MGA: variants seen among roughly 807,000 people sequenced by gnomAD.
MGA encodes MAX gene-associated protein.
In MGA, 40 loss-of-function variants were observed where a neutral mutation model predicts 261.1. The ratio of observed to expected loss-of-function variants is 0.15; its 90% CI spans 0.12 to 0.20. MGA has a LOEUF of 0.20. Among genes scored for constraint, MGA ranks in the 10% least tolerant of loss-of-function variants. The probability of loss-of-function intolerance (pLI) is 1.00; values close to 1 mark genes in which losing one functional copy is unlikely to be tolerated. For synonymous variants in MGA, 1,302 were observed against 1,290.6 expected (o/e 1.01, Z -0.19); for missense variants, 3,397 against 3,630.5 (o/e 0.94, Z 1.65).
chr15:41,651,886 T>C (rs1395299825), intron 1 of MGA, among the ~76,000 whole-genome samples: 4 of 88,420 alleles, frequency 4.5e-5, no homozygotes, highest in Non-Finnish European at 8.8e-5. Context: ...TCTCCGCTCC[T>C]GTCTCCCTCT....
At chr15:41,705,482 C>T (rs1196804202) in intron 5 of MGA, among the ~76,000 whole-genome samples, 2 of 152,082 alleles carry the variant, frequency 1.3e-5, no homozygotes, top group Non-Finnish European at 2.9e-5. Flanking sequence ...CCACCTCAGT[C>T]TTCTGAGTAG....
At chr15:41,696,035 T>C (rs1169679904) in intron 2 of MGA, 40 bp from the exon 3 acceptor site, 1 of 1,410,042 alleles carries the variant, frequency 7.1e-7, no homozygotes, top group Non-Finnish European at 9.7e-7. Flanking sequence ...TAATGGATCA[T>C]TTTGTACTTT....
chr15:41,713,059 CAGAG>C (rs1209906449), intron 8 of MGA, 88 bp from the exon 9 acceptor site: 1 of 1,504,482 alleles, frequency 6.6e-7, no homozygotes, highest in East Asian at 2.3e-5. Flanking sequence ...TACTTAAAAT[CAGAG>C]AGTAATGCAG....
At position 41,708,110 on chromosome 15, in the gene MGA, G is replaced by C; in HGVS notation, c.2327G>C (p.Gly776Ala). 6.3e-7 allele frequency: 1 copy of C among 1,579,114 alleles called. No homozygotes were observed. The highest frequency in any genetic ancestry group is 8.6e-7 in the Non-Finnish European group (1 of 1,162,708). The change falls in exon 7 of 24, where the codon GGA (glycine) becomes GCA (alanine). Residue 776 changes from glycine to alanine, a missense_variant. This residue lies in a region of MGA where 519 missense variants were observed against 554.1 expected (regional missense o/e 0.94). Coordinates refer to ENST00000219905, the MANE Select transcript of MGA (RefSeq NM_001164273.2). ...TTGACTTTTTCTTTTATAGATGCGGGATTTCCCTTTGTTTCTAGGACAGGG... is the reference window on the plus strand; with the variant it reads ...TTGACTTTTTCTTTTATAGATGCGGCATTTCCCTTTGTTTCTAGGACAGGG...
intron 1 of MGA, among the ~76,000 whole-genome samples, chr15:41,623,241 A>G (rs577098693): frequency 2.0e-5 from 3 of 152,344 alleles, no homozygotes; most frequent in Admixed American, 2.0e-4. Flanking sequence ...GAATGAGGAA[A>G]GGACTTGTAC....
intron 12 of MGA, among the ~76,000 whole-genome samples, chr15:41,735,871 G>T (rs1161740266): frequency 6.6e-6 from 1 of 152,178 alleles, no homozygotes; most frequent in Non-Finnish European, 1.5e-5. Context: ...TACCAGTGAA[G>T]CTTAACCTTG....
rs767830458 is a variant in MGA at position 41,749,696 on chromosome 15, A to G, written c.6089A>G (p.Asp2030Gly). 3.7e-6 allele frequency: 6 copies of G among 1,614,034 alleles called. No homozygotes were observed. The highest frequency in any genetic ancestry group is 5.1e-6 in the Non-Finnish European group (6 of 1,179,898). Residue 2030 changes from aspartate (D) to glycine (G), a missense_variant, in exon 17 of 24, where the codon GAT becomes GGT. Physicochemically the swap from Asp to Gly is moderately conservative, Grantham distance 94. Transcript: ENST00000219905. ...AATGATTCCTTGGAAGATAGGGGTG[A>G]TCATTTGGATGAAGAATGCCTTCCA... is the stretch of plus-strand genomic sequence containing the variant.
chr15:41,762,444 A>C (rs999090893), intron 22 of MGA, 82 bp downstream of exon 22: 2 of 458,064 alleles, frequency 4.4e-6, no homozygotes, highest in Admixed American at 4.9e-5. Flanking sequence ...TCTTGTCCAC[A>C]TTTTTAGTTT....
intron 1 of MGA, among the ~76,000 whole-genome samples, chr15:41,663,528 A>T (rs1284195076): frequency 6.6e-6 from 1 of 151,908 alleles, no homozygotes; most frequent in Non-Finnish European, 1.5e-5. Flanking sequence ...CGAGTCTCAC[A>T]CTATCTCCAA....
chr15:41,631,824 G>C (rs768148580), intron 1 of MGA, among the ~76,000 whole-genome samples: 1 of 152,008 alleles, frequency 6.6e-6, no homozygotes, highest in African/African-American at 2.4e-5. Flanking sequence ...AAATACATAA[G>C]CACAAATAAT....
At chr15:41,752,233 C>T (rs1595980111) in intron 17 of MGA, 1 of 152,044 alleles carries the variant, frequency 6.6e-6, no homozygotes, top group Admixed American at 6.6e-5. Context: ...GTTTCACCAT[C>T]TTGGCCAGGC....
At chr15:41,763,244 C>T (rs2063594157) in intron 22 of MGA, among the ~76,000 whole-genome samples, 1 of 151,000 alleles carries the variant, frequency 6.6e-6, no homozygotes, top group Non-Finnish European at 1.5e-5. Context: ...GGACTATAGG[C>T]GCCTGCCACT....
In MGA at chr15:41,709,454, C is replaced by T. The variant is rs181337989; in HGVS notation, c.2426-1237C>T. On this transcript the variant is annotated intron_variant, in intron 7 of 23. Transcript: ENST00000219905. ...TCCAGGCATTCCAGTCTTTCTCCCT[C>T]GCTTTTTAAAGACGGGGTCTTGCTC... Among the ~76,000 whole-genome samples, 1,394 of 152,158 alleles carry T rather than the reference C, an allele frequency of 9.2e-3. 16 individuals carry two copies. Among genetic ancestry groups the T allele is most frequent in the Non-Finnish European group, 0.012 (838 of 67,990 alleles).
chr15:41,707,901 G>A lies in MGA; in HGVS notation c.2320+42G>A, dbSNP rs369564900. ...TGTAAAGTCAAACACTATTTTTCTT[G>A]AAGTTTACGTTATTTGTAACGTAAG... On this transcript the variant is annotated intron_variant, in intron 6 of 23. Coordinates refer to ENST00000219905, the MANE Select transcript of MGA (RefSeq NM_001164273.2). 42 of 1,588,258 alleles carry A rather than the reference G, an allele frequency of 2.6e-5. No individual in the cohort carries two copies. In the South Asian group the frequency reaches 4.9e-4, roughly 18 times the overall value.
intron 1 of MGA, among the ~76,000 whole-genome samples, chr15:41,655,232 G>A (rs1406216479): frequency 1.4e-5 from 2 of 147,800 alleles, no homozygotes; most frequent in Admixed American, 6.8e-5. Context: ...AGGCTGGAGT[G>A]CAGTGGCAGG....
intron 1 of MGA, among the ~76,000 whole-genome samples, chr15:41,644,807 A>G (rs2056902981): frequency 6.6e-6 from 1 of 152,230 alleles, no homozygotes; most frequent in South Asian, 2.1e-4. Context: ...TAGAAAAGTT[A>G]ACTGATGTCC....
In MGA at chr15:41,742,877, G is replaced by A; in HGVS notation, c.4917G>A (p.Glu1639=). The change falls in exon 15 of 24, where the codon GAG becomes GAA. Residue 1639 remains glutamate, a synonymous_variant. Transcript: ENST00000219905. Reference sequence around the variant, plus strand: ...GTGCCACCACTACAGGGGTTGTTGAGGTCTCTGAAACTAATACCAGCACCT... The same window carrying A: ...GTGCCACCACTACAGGGGTTGTTGAAGTCTCTGAAACTAATACCAGCACCT... 1 of 1,613,974 alleles carries A rather than the reference G, an allele frequency of 6.2e-7. No individual in the cohort carries two copies. Among genetic ancestry groups the A allele is most frequent in the Non-Finnish European group, 8.5e-7 (1 of 1,179,888 alleles).
chr15:41,668,788 G>C (rs918685353), intron 1 of MGA, 40 bp from the exon 2 acceptor site: 1 of 702,450 alleles, frequency 1.4e-6, no homozygotes, highest in African/African-American at 1.8e-5. Context: ...TTGATTAAAG[G>C]GTGTTTTTTG....
At chr15:41,691,077 C>T (rs1312366820) in intron 2 of MGA, among the ~76,000 whole-genome samples, 2 of 130,974 alleles carry the variant, frequency 1.5e-5, no homozygotes, top group Non-Finnish European at 3.1e-5. Flanking sequence ...AAAAAAAAAT[C>T]ACAGATGGAG....
Sources: allele counts gnomAD v4.1 joint callset (sites outside exome capture counted in the v4.1 genomes callset), GRCh38; gene constraint gnomAD v4.1.1; regional missense constraint gnomAD v4.1.1; transcripts MANE v1.5; gene names NCBI Gene and HGNC (gene_info 2026-07-23, HGNC 2026-07-21).